The following DKK2 variants were observed in gnomAD, a reference collection of about 807,000 sequenced individuals.
The protein encoded by DKK2 is dickkopf Wnt signaling pathway inhibitor 2.
DKK2 carries 11 observed loss-of-function variants against 28.1 expected under a neutral mutation model. The ratio of observed to expected loss-of-function variants is 0.39; its 90% CI spans 0.25 to 0.65. The LOEUF (loss-of-function observed/expected upper bound fraction) is 0.65. Ranked by LOEUF, DKK2 falls within the 30% of genes least tolerant of loss-of-function variation. The pLI, the probability that DKK2 is intolerant of heterozygous loss-of-function variation, is 0.47. For synonymous variants in DKK2, 135 were observed against 126.5 expected, an observed-to-expected ratio of 1.07 and a Z score of -0.45; for missense variants, 326 against 335.5, an observed-to-expected ratio of 0.97 and a Z score of 0.22.
chr4:107,014,723 T>C (rs1723566997), intron 1 of DKK2, among the ~76,000 whole-genome samples: 2 of 151,594 alleles, frequency 1.3e-5, no homozygotes, highest in South Asian at 4.1e-4. Context: ...CATTTTACGA[T>C]GTTCACATGT....
At chr4:106,934,112 G>T (rs62314184) in intron 1 of DKK2, among the ~76,000 whole-genome samples, 20,235 of 151,370 alleles carry the variant, frequency 0.13, 1,860 homozygotes, top group Middle Eastern at 0.21. Flanking sequence ...ATTAGCTCAA[G>T]TTATCTCAGG....
At position 107,023,889 on chromosome 4, in the gene DKK2, G is replaced by A. The variant is rs369415863; in HGVS notation, c.222+11481C>T. On this transcript the variant is annotated intron_variant, in intron 1 of 3. Coordinates refer to ENST00000285311, the MANE Select transcript of DKK2 (RefSeq NM_014421.3). ...TGCCCTTATATTATTATATGTATATGTATTATGTTACCACTCTGAGATTCC... is the reference window on the plus strand; with the variant it reads ...TGCCCTTATATTATTATATGTATATATATTATGTTACCACTCTGAGATTCC... Among the ~76,000 whole-genome samples, 9 of 152,162 alleles carry A rather than the reference G, an allele frequency of 5.9e-5. 1 individual carries two copies. Among genetic ancestry groups the A allele is most frequent in the Admixed American group, 5.9e-4 (9 of 15,282 alleles).
At chr4:106,983,002 GAAA>G (rs967190956) in intron 1 of DKK2, among the ~76,000 whole-genome samples, 45 of 130,600 alleles carry the variant, frequency 3.4e-4, no homozygotes, top group African/African-American at 1.2e-3. Context: ...GAAAAGAAAA[GAAA>G]AAGAGAGAAA....
intron 2 of DKK2, among the ~76,000 whole-genome samples, chr4:106,925,193 G>T (rs1451713090): frequency 6.6e-6 from 1 of 152,086 alleles, no homozygotes; most frequent in Non-Finnish European, 1.5e-5. Context: ...ATGAGAAAAT[G>T]AGCCTGATTA....
At chr4:106,971,391 C>G (rs1722865660) in intron 1 of DKK2, among the ~76,000 whole-genome samples, 1 of 152,042 alleles carries the variant, frequency 6.6e-6, no homozygotes, top group East Asian at 1.9e-4. Flanking sequence ...CTTATATCTA[C>G]ACTCTGTTTA....
intron 1 of DKK2, among the ~76,000 whole-genome samples, chr4:106,961,792 G>A (rs1722688781): frequency 6.6e-6 from 1 of 152,048 alleles, no homozygotes; most frequent in African/African-American, 2.4e-5. Flanking sequence ...TGTTGACTTT[G>A]GGCAAGTTAC....
chr4:106,957,943 A>T lies in DKK2; in HGVS notation c.223-31994T>A, dbSNP rs905236496. Among the ~76,000 whole-genome samples, 26 of 150,712 alleles carry T rather than the reference A, an allele frequency of 1.7e-4. 1 individual carries two copies. Among genetic ancestry groups the T allele is most frequent in the South Asian group, 4.2e-4 (2 of 4,788 alleles). The stretch of plus-strand genomic sequence containing the variant: ...ATTAATTAATTAATTAATTAATTTT[A>T]AAAAAGATGATTCTCTACTAGCATT... On this transcript the variant is annotated intron_variant, in intron 1 of 3. Transcript: ENST00000285311.
At chr4:106,949,768 C>T (rs1384055216) in intron 1 of DKK2, among the ~76,000 whole-genome samples, 11 of 152,130 alleles carry the variant, frequency 7.2e-5, no homozygotes, top group Admixed American at 7.2e-4. Context: ...TGGATCTATT[C>T]TATTTTTCAT....
At chr4:106,963,310 A>G (rs113027382) in intron 1 of DKK2, among the ~76,000 whole-genome samples, 9,179 of 151,086 alleles carry the variant, frequency 0.061, 302 homozygotes, top group Non-Finnish European at 0.074. Flanking sequence ...CCAAGATCGC[A>G]CCATTTCACT....
chr4:106,991,247 C>T (rs758565267), intron 1 of DKK2, among the ~76,000 whole-genome samples: 36 of 151,878 alleles, frequency 2.4e-4, no homozygotes, highest in Non-Finnish European at 5.1e-4. Context: ...TTGGAATTGC[C>T]CAGGTTTGTA....
intron 1 of DKK2, among the ~76,000 whole-genome samples, chr4:106,937,544 A>T (rs1380131703): frequency 6.6e-6 from 1 of 150,616 alleles, no homozygotes; most frequent in African/African-American, 2.4e-5. Flanking sequence ...CACTGTCAAC[A>T]TTAGACAGAT....
At chr4:106,948,479 AG>A (rs757249394) in intron 1 of DKK2, among the ~76,000 whole-genome samples, 4 of 152,288 alleles carry the variant, frequency 2.6e-5, no homozygotes, top group Middle Eastern at 3.4e-3. Flanking sequence ...GTCAGCTTGT[AG>A]GGGGTACTTG....
intron 1 of DKK2, among the ~76,000 whole-genome samples, chr4:106,976,138 C>T (rs1392135781): frequency 6.6e-6 from 1 of 152,098 alleles, no homozygotes; most frequent in Non-Finnish European, 1.5e-5. Flanking sequence ...TTTCCATTTG[C>T]TGAGCAGTGT....
intron 1 of DKK2, among the ~76,000 whole-genome samples, chr4:107,002,423 T>C (rs188497902): frequency 2.0e-5 from 3 of 152,148 alleles, no homozygotes; most frequent in East Asian, 3.9e-4. Context: ...ACCGAAAAAA[T>C]TTATTTTTAC....
chr4:106,998,312 T>C (rs1348802178), intron 1 of DKK2, among the ~76,000 whole-genome samples: 1 of 152,188 alleles, frequency 6.6e-6, no homozygotes, highest in East Asian at 1.9e-4. Context: ...ACAAGTGATT[T>C]TGCTTAATTT....
chr4:106,945,092 A>G (rs1011691573), intron 1 of DKK2, among the ~76,000 whole-genome samples: 2 of 152,138 alleles, frequency 1.3e-5, no homozygotes, highest in African/African-American at 4.8e-5. Flanking sequence ...CTTCTAGAGC[A>G]CAGCACTGTC....
In DKK2 at chr4:106,925,929, A is replaced by C; in HGVS notation, c.243T>G (p.Asp81Glu). 6.2e-7 allele frequency: 1 copy of C among 1,612,744 alleles called. No individual in the cohort carries two copies. The highest frequency in any genetic ancestry group is 8.5e-7 in the Non-Finnish European group (1 of 1,179,472). ...AATACCTCCCAACTTCACACTCCTT[A>C]TCACTGCTACAAGGGTAGGCCTGTC... Reference protein sequence around the residue: ...NLGQAYPCSSDKECEVGRYCH... With the variant: ...NLGQAYPCSSEKECEVGRYCH... Residue 81 changes from aspartate (D) to glutamate (E), a missense_variant, in exon 2 of 4, where the codon GAT becomes GAG. Coordinates refer to ENST00000285311, the MANE Select transcript of DKK2 (RefSeq NM_014421.3).
At chr4:106,953,585 G>T (rs1294270137) in intron 1 of DKK2, among the ~76,000 whole-genome samples, 4 of 152,072 alleles carry the variant, frequency 2.6e-5, no homozygotes, top group Non-Finnish European at 4.4e-5. Context: ...AGATGAAAAG[G>T]GAAAGCTTTG....
intron 1 of DKK2, among the ~76,000 whole-genome samples, chr4:106,976,258 A>G (rs1722943168): frequency 6.6e-6 from 1 of 152,112 alleles, no homozygotes; most frequent in Admixed American, 6.6e-5. Flanking sequence ...TATTAAGTCC[A>G]CTTGGTCTAA....
Sources: gnomAD v4.1 joint callset for allele counts (sites outside exome capture counted in the v4.1 genomes callset) on GRCh38, gnomAD v4.1.1 for gene constraint, MANE v1.5 for transcripts, NCBI Gene and HGNC (gene_info 2026-07-23, HGNC 2026-07-21) for gene names.